Variants in ZFHX4 observed in about 807,000 individuals in gnomAD.
The protein encoded by ZFHX4 is zinc finger homeobox protein 4.
ZFHX4 carries 56 observed loss-of-function variants against 267.6 expected under a neutral mutation model. That is an observed-to-expected ratio of 0.21 (90% CI 0.17 to 0.26). The LOEUF is 0.26. ZFHX4 is among the 10% of genes least tolerant of loss of function. The pLI, the probability that ZFHX4 is intolerant of heterozygous loss-of-function variation, is 1.00. For missense variants in ZFHX4, 4,332 were observed against 4,420.0 expected, an observed-to-expected ratio of 0.98 and a Z score of 0.56; for synonymous variants, 1,778 against 1,665.6, an observed-to-expected ratio of 1.07 and a Z score of -1.64.
intron 1 of ZFHX4, among the ~76,000 whole-genome samples, chr8:76,694,662 CCCGCCCCCCACCCT>C (rs1289186525): frequency 8.8e-6 from 1 of 113,112 alleles, no homozygotes; most frequent in Admixed American, 9.7e-5. Context: ...TCCTCCTGCA[CCCGCCCCCCACCCT>C]CCGCCCCCTG....
intron 3 of ZFHX4, among the ~76,000 whole-genome samples, chr8:76,776,392 G>A (rs541487666): frequency 2.0e-5 from 3 of 151,990 alleles, no homozygotes; most frequent in Admixed American, 6.6e-5. Context: ...ACACTCAGGC[G>A]TCCTGTGGCC....
At chr8:76,824,946 G>A (rs1355426183) in intron 4 of ZFHX4, among the ~76,000 whole-genome samples, 1 of 152,088 alleles carries the variant, frequency 6.6e-6, no homozygotes, top group Non-Finnish European at 1.5e-5. Flanking sequence ...TGTAAAATTT[G>A]CTTAGGGATT....
intron 3 of ZFHX4, among the ~76,000 whole-genome samples, chr8:76,766,737 C>A (rs1247820936): frequency 2.0e-5 from 3 of 151,694 alleles, no homozygotes; most frequent in East Asian, 1.9e-4. Flanking sequence ...ATTTTGAGAG[C>A]AATTAATTTA....
At position 76,705,301 on chromosome 8, in the gene ZFHX4, G is replaced by A. The variant is rs777866843; in HGVS notation, c.1213G>A (p.Glu405Lys). 1 of 1,614,042 alleles carries A rather than the reference G, an allele frequency of 6.2e-7. No individual in the cohort carries two copies. Among genetic ancestry groups the A allele is most frequent in the Non-Finnish European group, 8.5e-7 (1 of 1,179,896 alleles). Residue 405 changes from glutamate to lysine, a missense_variant, in exon 2 of 11, where the codon GAA becomes AAA. Transcript: ENST00000651372. ...PLGITQMPKAEVNLGGLSSLV... is the reference protein window; with the variant it reads ...PLGITQMPKAKVNLGGLSSLV... ...GGGGATTACCCAAATGCCAAAGGCT[G>A]AAGTGAATCTGGGGGGGCTGTCTAG...
intron 3 of ZFHX4, among the ~76,000 whole-genome samples, chr8:76,718,449 A>G (rs1808634190): frequency 6.6e-6 from 1 of 152,200 alleles, no homozygotes; most frequent in Admixed American, 6.5e-5. Flanking sequence ...TTAGAAAATT[A>G]GGTAATTTAA....
intron 4 of ZFHX4, among the ~76,000 whole-genome samples, chr8:76,826,382 T>C (rs1563544059): frequency 6.6e-6 from 1 of 152,106 alleles, no homozygotes; most frequent in Non-Finnish European, 1.5e-5. Context: ...ATCCAAACCA[T>C]ATCACCCTGT....
rs762973824 is a variant in ZFHX4, at chr8:76,853,050, C to CCCA, written c.6141_6143dup (p.Pro2061dup). 1.6e-5 allele frequency: 17 copies of CCCA among 1,086,096 alleles called. No individual in the cohort carries two copies. The highest frequency in any genetic ancestry group is 2.2e-4 in the Middle Eastern group (1 of 4,528). The allele number at this position is 1,086,096 out of a possible 1,614,324, so 67.3% of individuals were successfully genotyped here. On this transcript the variant is annotated inframe_insertion, in exon 10 of 11. Transcript: ENST00000651372. ...TGCAAGCTCCACCACCCACTCCTCCCCCACCACCACCACCTCCTCCTCCTC... is the reference window on the plus strand; with the variant it reads ...TGCAAGCTCCACCACCCACTCCTCCCCCACCACCACCACCACCTCCTCCTCCTC...
At chr8:76,713,613 A>G (rs900105054) in intron 3 of ZFHX4, among the ~76,000 whole-genome samples, 13 of 152,170 alleles carry the variant, frequency 8.5e-5, no homozygotes, top group Non-Finnish European at 1.8e-4. Context: ...TCTTCTCTTC[A>G]TGGAAATATC....
chr8:76,817,418 T>C (rs1361480799), intron 4 of ZFHX4, among the ~76,000 whole-genome samples: 1 of 152,180 alleles, frequency 6.6e-6, no homozygotes, highest in East Asian at 1.9e-4. Context: ...AAAAGTCAAG[T>C]TGACAGTCTG....
chr8:76,733,669 T>A (rs1809080924), intron 3 of ZFHX4, among the ~76,000 whole-genome samples: 1 of 152,212 alleles, frequency 6.6e-6, no homozygotes, highest in Non-Finnish European at 1.5e-5. Context: ...ATTCATATGC[T>A]GTTCCTTCTT....
intron 5 of ZFHX4, among the ~76,000 whole-genome samples, chr8:76,839,818 G>A (rs140524842): frequency 5.3e-4 from 80 of 152,112 alleles, no homozygotes; most frequent in African/African-American, 1.9e-3. Context: ...CTGAGGATAC[G>A]TGGTGCTTGA....
In ZFHX4 at chr8:76,850,868, T is replaced by A; in HGVS notation, c.3965-18T>A. ...GTTTTCTTATTGTAAGAGAGATGTT[T>A]GTGCTTTTTCCTAATAGGTGAAAGT... is the stretch of plus-strand genomic sequence containing the variant. On this transcript the variant is annotated intron_variant, in intron 9 of 10. Coordinates refer to ENST00000651372, the MANE Select transcript of ZFHX4 (RefSeq NM_024721.5). The A allele has an allele frequency of 6.4e-7, 1 of 1,552,294 alleles. No homozygotes were observed.
intron 4 of ZFHX4, among the ~76,000 whole-genome samples, chr8:76,792,974 C>T (rs191645564): frequency 3.2e-4 from 49 of 152,262 alleles, no homozygotes; most frequent in African/African-American, 1.1e-3. Flanking sequence ...AACCACATTG[C>T]CGTGGGGCCT....
intron 10 of ZFHX4, among the ~76,000 whole-genome samples, chr8:76,861,745 C>G (rs1159331292): frequency 6.6e-6 from 1 of 151,154 alleles, no homozygotes; most frequent in East Asian, 1.9e-4. Context: ...GAAAAAGAAG[C>G]ATACAGTTTT....
At position 76,855,486 on chromosome 8, in the gene ZFHX4, T is replaced by TA; in HGVS notation, c.8566dup (p.Thr2856AsnfsTer7). 6.2e-7 allele frequency: 1 copy of TA among 1,613,740 alleles called. No individual in the cohort carries two copies. The highest frequency in any genetic ancestry group is 8.5e-7 in the Non-Finnish European group (1 of 1,179,842). On this transcript the variant is annotated frameshift_variant, in exon 10 of 11. Coordinates refer to ENST00000651372, the MANE Select transcript of ZFHX4 (RefSeq NM_024721.5). LOFTEE classifies it high-confidence loss of function. ...CTCTGCCAAAACCTGCAACCACACC[T>TA]ACCACGGAGGTCTGCGATGACAAAT... is the stretch of plus-strand genomic sequence containing the variant.
intron 5 of ZFHX4, among the ~76,000 whole-genome samples, chr8:76,839,053 AAGAGAGAGAGAGAGAGAGAG>A (rs35873786): frequency 1.5e-4 from 16 of 107,456 alleles, no homozygotes; most frequent in African/African-American, 3.5e-4. Context: ...CTCTGTCTGA[AAGAGAGAGAGAGAGAGAGAG>A]AGAGAGAGAG....
chr8:76,804,016 G>GA (rs1811184504), intron 4 of ZFHX4, among the ~76,000 whole-genome samples: 1 of 152,024 alleles, frequency 6.6e-6, no homozygotes, highest in Non-Finnish European at 1.5e-5. Flanking sequence ...TAATGTCTGA[G>GA]AAAATACTCA....
chr8:76,859,856 C>T (rs1054428650), intron 10 of ZFHX4, among the ~76,000 whole-genome samples: 2 of 151,968 alleles, frequency 1.3e-5, no homozygotes, highest in African/African-American at 4.8e-5. Context: ...CATATGAGTG[C>T]GTTAAGAAGC....
chr8:76,815,692 G>T (rs1267965389), intron 4 of ZFHX4, among the ~76,000 whole-genome samples: 1 of 151,904 alleles, frequency 6.6e-6, no homozygotes, highest in Non-Finnish European at 1.5e-5. Flanking sequence ...GTAGAGATAG[G>T]GTCTTACTAT....
Sources: gnomAD v4.1 joint callset for allele counts (sites outside exome capture counted in the v4.1 genomes callset) on GRCh38, gnomAD v4.1.1 for gene constraint, MANE v1.5 for transcripts, NCBI Gene and HGNC (gene_info 2026-07-23, HGNC 2026-07-21) for gene names.